MTM1: variants seen among roughly 807,000 people sequenced by gnomAD.
MTM1 encodes myotubularin.
In MTM1, 9 loss-of-function variants were observed where a neutral mutation model predicts 52.1. The ratio of observed to expected loss-of-function variants is 0.17; its 90% CI spans 0.10 to 0.30. MTM1 has a LOEUF of 0.30. Among genes scored for constraint, MTM1 ranks in the 10% least tolerant of loss-of-function variants. MTM1 has a pLI of 1.00. For synonymous variants in MTM1, 136 were observed against 163.8 expected, an observed-to-expected ratio of 0.83 and a Z score of 1.29; for missense variants, 277 against 470.7, an observed-to-expected ratio of 0.59 and a Z score of 3.81.
At chrX:150,563,305 CTTTTTTTTTT>C in the MTM1 span, among the ~76,000 whole-genome samples, 2 of 34,503 alleles carry the variant, frequency 5.8e-5, no homozygotes, top group Admixed American at 4.5e-4. Flanking sequence ...TAAATCTCAG[CTTTTTTTTTT>C]TTTTTTTTTT....
chrX:150,566,956 AAGG>A (rs1293160789), upstream of MTM1, among the ~76,000 whole-genome samples: 1 of 111,788 alleles, frequency 8.9e-6, no homozygotes, highest in East Asian at 2.8e-4. Context: ...ATGAGATTCA[AAGG>A]AGTTCATAGT....
intron 6 of MTM1, among the ~76,000 whole-genome samples, chrX:150,632,623 C>T (rs1557413606): frequency 1.8e-5 from 2 of 111,155 alleles, no homozygotes; most frequent in Non-Finnish European, 3.8e-5. Context: ...TTTTGCTAGT[C>T]ACCCCAGTCC....
intron 6 of MTM1, among the ~76,000 whole-genome samples, chrX:150,627,384 T>C (rs2039588007): frequency 8.9e-6 from 1 of 112,006 alleles, no homozygotes; most frequent in African/African-American, 3.2e-5. Flanking sequence ...CCTTTGTCTC[T>C]CCTGAGATGT....
chrX:150,590,927 G>C (rs1557412453), intron 1 of MTM1: 1 of 406,594 alleles, frequency 2.5e-6, no homozygotes. Flanking sequence ...ATATAGTCTT[G>C]TTTTGTCAAT....
At chrX:150,613,744 AAG>A (rs1449944547) in intron 4 of MTM1, among the ~76,000 whole-genome samples, 1 of 112,037 alleles carries the variant, frequency 8.9e-6, no homozygotes, top group Non-Finnish European at 1.9e-5. Context: ...CCTGGCACAG[AAG>A]AGAGGTATTT....
chrX:150,589,269 C>T (rs2038843115), intron 1 of MTM1, among the ~76,000 whole-genome samples: 1 of 110,910 alleles, frequency 9.0e-6, no homozygotes, highest in Admixed American at 9.6e-5. Context: ...ACTCCAGGAC[C>T]TTGTCACACA....
chrX:150,633,326 T>C (rs782064879), intron 6 of MTM1, among the ~76,000 whole-genome samples: 7 of 112,152 alleles, frequency 6.2e-5, no homozygotes, highest in African/African-American at 2.3e-4. Context: ...TAATTGGTAA[T>C]CTATGTGCTA....
intron 1 of MTM1, among the ~76,000 whole-genome samples, chrX:150,577,478 G>A (rs937477110): frequency 1.8e-5 from 2 of 112,571 alleles, no homozygotes; most frequent in African/African-American, 6.5e-5. Flanking sequence ...TTGACTGGGT[G>A]TATAATGGTA....
rs782174623 is a variant in MTM1 at position 150,663,423 on chromosome X, C to T, written c.1468-10C>T. 143 of 1,208,769 alleles carry T rather than the reference C, an allele frequency of 1.2e-4. 1 individual carries two copies. The highest frequency in any genetic ancestry group is 1.5e-4 in the Non-Finnish European group (130 of 894,340). On this transcript the variant is annotated splice_polypyrimidine_tract_variant and intron_variant, in intron 13 of 14. Coordinates refer to ENST00000370396, the MANE Select transcript of MTM1 (RefSeq NM_000252.3). ...TAGGCTCTCCACTTTCTCTCTCTGT[C>T]TCTCTGTAGAAGGTTACAGAAAGGA...
rs587783765 is a variant in MTM1, at chrX:150,658,001, A to C, written c.1234A>C (p.Ile412Leu). 5 of 1,208,237 alleles carry C rather than the reference A, an allele frequency of 4.1e-6. No individual in the cohort carries two copies. The Admixed American group carries it at 6.6e-5, about 16-fold the overall frequency. The change falls in exon 11 of 15, where the codon ATA becomes CTA. Residue 412 changes from isoleucine (I) to leucine (L), a missense_variant. Physicochemically the swap from Ile to Leu is conservative, Grantham distance 5. Transcript: ENST00000370396. ...CGAAATACTGGTACAAAAAGAATGG[A>C]TAAGTTTTGGACATAAATTTGCATC... ...GFEILVQKEW[I>L]SFGHKFASRI...
rs1301401453 is a variant in MTM1 at position 150,582,140 on chromosome X, A to G, written c.-10-10465A>G. ...ATTTTTTTGGTTGAGGGGAGGGGGA[A>G]CTCTCCATTGTGGTCCAGAGTAGCT... is the stretch of plus-strand genomic sequence containing the variant. On this transcript the variant is annotated intron_variant, in intron 1 of 14. Coordinates refer to ENST00000370396, the MANE Select transcript of MTM1 (RefSeq NM_000252.3). 4.5e-5 allele frequency among the ~76,000 whole-genome samples: 5 copies of G among 110,399 alleles called. No individual in the cohort carries two copies. The South Asian group carries it at 1.9e-3, about 42-fold the overall frequency.
intron 1 of MTM1, among the ~76,000 whole-genome samples, 190 bp downstream of exon 1, chrX:150,568,852 G>T (rs1181393126): frequency 8.8e-6 from 1 of 113,345 alleles, no homozygotes; most frequent in Non-Finnish European, 1.9e-5. Flanking sequence ...GCTGAGGCCA[G>T]GGAGCAGCAG....
chrX:150,582,636 G>A (rs1310343047), intron 1 of MTM1, among the ~76,000 whole-genome samples: 1 of 111,196 alleles, frequency 9.0e-6, no homozygotes, highest in Non-Finnish European at 1.9e-5. Context: ...AGACACACAG[G>A]GAGAAAGCCA....
Position 150,660,472 on chromosome X carries a change from T to C in MTM1, c.1455T>C (p.Ala485=), listed in dbSNP as rs141358705. ...CTTTCTTATTCAACTGTGAATCTGC[T>C]CGAGAAAGACAGGTGAGTTAAAATG... The part of the protein sequence containing the change: ...FGTFLFNCES[A]RERQKVTERT... Residue 485 remains alanine, a synonymous_variant, in exon 13 of 15, where the codon GCT becomes GCC. Coordinates refer to ENST00000370396, the MANE Select transcript of MTM1 (RefSeq NM_000252.3). 1.5e-5 allele frequency: 18 copies of C among 1,179,293 alleles called. No homozygotes were observed. The African/African-American group carries it at 1.9e-4, about 13-fold the overall frequency.
At chrX:150,650,574 G>GGT (rs1426759767) in intron 10 of MTM1, among the ~76,000 whole-genome samples, 1 of 110,817 alleles carries the variant, frequency 9.0e-6, no homozygotes. Context: ...TCACCCTCTT[G>GGT]GTGTCATCCT....
Position 150,598,574 on chromosome X carries a change from C to CT in MTM1, c.137-11dup, listed in dbSNP as rs797045716. ...TATCTATTTCCATTATTTTAGGGTA[C>CT]TTTTTTTATCTTAATAGACAAAGAA... On this transcript the variant is annotated splice_polypyrimidine_tract_variant and intron_variant, in intron 3 of 14. Coordinates refer to ENST00000370396, the MANE Select transcript of MTM1 (RefSeq NM_000252.3). 1.7e-5 allele frequency: 18 copies of CT among 1,060,545 alleles called. No homozygotes were observed. The highest frequency in any genetic ancestry group is 1.2e-5 in the Non-Finnish European group (9 of 761,150). The allele number at this position is 1,060,545 out of a possible 1,213,427, so 87.4% of individuals were successfully genotyped here.
Position 150,641,558 on chromosome X carries a change from A to G in MTM1, c.678+140A>G. 5.5e-6 allele frequency: 4 copies of G among 726,591 alleles called. No individual in the cohort carries two copies. In the South Asian group the frequency reaches 7.5e-5, roughly 14 times the overall value. 59.9% of individuals were successfully genotyped at this position (726,591 alleles called of 1,213,427 possible). A position where few individuals can be genotyped will look rare whatever the true frequency, so the allele number is the denominator to read the frequency against. On this transcript the variant is annotated intron_variant, in intron 8 of 14. Coordinates refer to ENST00000370396, the MANE Select transcript of MTM1 (RefSeq NM_000252.3). ...AAGTGCTTTGTGAGTACAAAGTACC[A>G]TACCAGACTGGAGAAGAAGTGTGCC... is the stretch of plus-strand genomic sequence containing the variant.
At chrX:150,634,837 A>T (rs1423672974) in intron 6 of MTM1, among the ~76,000 whole-genome samples, 2 of 112,176 alleles carry the variant, frequency 1.8e-5, no homozygotes, top group Non-Finnish European at 3.8e-5. Context: ...CTGGCTGAAG[A>T]TTTACTTCTT....
the MTM1 span, among the ~76,000 whole-genome samples, chrX:150,563,287 C>T: frequency 9.9e-6 from 1 of 100,727 alleles, no homozygotes; most frequent in Non-Finnish European, 2.0e-5. Context: ...TTGTCTTCTT[C>T]CCATGCTTAA....
Sources: gnomAD v4.1 joint callset for allele counts (sites outside exome capture counted in the v4.1 genomes callset) on GRCh38, gnomAD v4.1.1 for gene constraint, MANE v1.5 for transcripts, NCBI Gene and HGNC (gene_info 2026-07-23, HGNC 2026-07-21) for gene names.